The following CFDP1 variants were observed in gnomAD, a reference collection of about 807,000 sequenced individuals.
CFDP1 encodes chromatin remodeling protein CFDP1.
CFDP1 carries 31 observed loss-of-function variants against 40.1 expected under a neutral mutation model. The observed-to-expected ratio is 0.77, with a 90% CI of 0.58 to 1.04. CFDP1 has a LOEUF of 1.04. CFDP1 is among the 50% of genes least tolerant of loss of function. The pLI is 0.00. For missense variants in CFDP1, 423 were observed against 343.4 expected, an observed-to-expected ratio of 1.23 and a Z score of -1.83; for synonymous variants, 167 against 120.0, an observed-to-expected ratio of 1.39 and a Z score of -2.56.
intron 5 of CFDP1, among the ~76,000 whole-genome samples, chr16:75,329,262 AG>A: frequency 6.6e-6 from 1 of 152,336 alleles, no homozygotes; most frequent in African/African-American, 2.4e-5. Context: ...CTAGGATTAC[AG>A]GCATGAACCA....
chr16:75,382,946 T>C (rs959007661), intron 5 of CFDP1, among the ~76,000 whole-genome samples: 1 of 152,204 alleles, frequency 6.6e-6, no homozygotes, highest in Non-Finnish European at 1.5e-5. Context: ...TTCCTACACA[T>C]TCTCAAATTA....
intron 4 of CFDP1, among the ~76,000 whole-genome samples, chr16:75,399,045 A>C (rs892428774): frequency 8.7e-5 from 11 of 126,022 alleles, no homozygotes; most frequent in Non-Finnish European, 1.6e-4. Flanking sequence ...AGACAGAGCG[A>C]GACTCCGTCT....
chr16:75,397,598 C>T (rs561590824), intron 4 of CFDP1, among the ~76,000 whole-genome samples: 13 of 151,996 alleles, frequency 8.6e-5, no homozygotes, highest in East Asian at 1.9e-4. Context: ...GTCAGGAGTT[C>T]GAGACCAGCC....
At chr16:75,364,609 T>C (rs1482107416) in intron 5 of CFDP1, among the ~76,000 whole-genome samples, 1 of 152,208 alleles carries the variant, frequency 6.6e-6, no homozygotes. Context: ...CTATCTTCAA[T>C]GAAGACAGAT....
At chr16:75,363,428 C>T (rs935784439) in intron 5 of CFDP1, among the ~76,000 whole-genome samples, 58 of 151,264 alleles carry the variant, frequency 3.8e-4, no homozygotes, top group African/African-American at 1.3e-3. Flanking sequence ...TGGTGTCTCG[C>T]TCTGTCGCCC....
intron 5 of CFDP1, among the ~76,000 whole-genome samples, chr16:75,376,103 C>T (rs747834053): frequency 3.9e-5 from 6 of 152,032 alleles, no homozygotes; most frequent in East Asian, 1.9e-4. Flanking sequence ...CCCAGCTACT[C>T]GAGAGGCTGA....
chr16:75,342,193 C>T (rs922903953), intron 5 of CFDP1, among the ~76,000 whole-genome samples: 1 of 152,094 alleles, frequency 6.6e-6, no homozygotes, highest in Non-Finnish European at 1.5e-5. Context: ...CTGTTAACAT[C>T]GAAGTTTACT....
intron 5 of CFDP1, among the ~76,000 whole-genome samples, chr16:75,351,734 G>A (rs904370484): frequency 3.3e-5 from 5 of 152,188 alleles, no homozygotes; most frequent in Admixed American, 2.0e-4. Flanking sequence ...ATAGCCAAGT[G>A]TGGTGGCTCA....
intron 6 of CFDP1, among the ~76,000 whole-genome samples, chr16:75,299,839 G>A (rs2078210054): frequency 1.3e-5 from 2 of 152,134 alleles, no homozygotes; most frequent in Admixed American, 1.3e-4. Context: ...ATCAAACCGG[G>A]TAGTGTGACT....
At chr16:75,378,181 T>C (rs1802252924) in intron 5 of CFDP1, among the ~76,000 whole-genome samples, 1 of 152,096 alleles carries the variant, frequency 6.6e-6, no homozygotes, top group South Asian at 2.1e-4. Flanking sequence ...GCTGCATTGC[T>C]ATGGAAACAA....
chr16:75,297,146 T>TTTTGTGTGTGTGTGTGTG lies in CFDP1; in HGVS notation c.810-3105_810-3104insCACACACACACACACAAA, dbSNP rs1555551779. ...GCTTGGGGTTCTTGCTTCCCATTTC[T>TTTTGTGTGTGTGTGTGTG]TGTGTGTGTGTGTGTGTGTCTGTGT... On this transcript the variant is annotated intron_variant, in intron 6 of 6. Transcript: ENST00000283882. Among the ~76,000 whole-genome samples the TTTTGTGTGTGTGTGTGTG allele has an allele frequency of 1.8e-3, 241 of 133,048 alleles. 2 individuals carry two copies. Among genetic ancestry groups the TTTTGTGTGTGTGTGTGTG allele is most frequent in the African/African-American group, 5.7e-3 (212 of 37,284 alleles). The allele number at this position is 133,048 out of a possible 152,430, so 87.3% of individuals were successfully genotyped here.
chr16:75,358,164 T>C (rs1054358559), intron 5 of CFDP1, among the ~76,000 whole-genome samples: 1 of 152,106 alleles, frequency 6.6e-6, no homozygotes, highest in African/African-American at 2.4e-5. Flanking sequence ...ATGAAAAAAT[T>C]TGAGATATTA....
intron 5 of CFDP1, among the ~76,000 whole-genome samples, chr16:75,316,380 C>A (rs890550043): frequency 1.3e-5 from 2 of 152,070 alleles, no homozygotes; most frequent in Admixed American, 6.5e-5. Context: ...CGTCTACAGA[C>A]AGACTAGGGT....
intron 1 of CFDP1, among the ~76,000 whole-genome samples, chr16:75,433,007 G>A (rs1358727939): frequency 6.6e-6 from 1 of 152,228 alleles, no homozygotes; most frequent in African/African-American, 2.4e-5. Flanking sequence ...TGACCGACGA[G>A]CGTCCCTAGC....
intron 5 of CFDP1, among the ~76,000 whole-genome samples, chr16:75,393,490 A>T (rs2078969248): frequency 6.6e-6 from 1 of 152,060 alleles, no homozygotes; most frequent in African/African-American, 2.4e-5. Context: ...TCTTTTTAAA[A>T]ATGTGGGGCC....
Position 75,299,403 on chromosome 16 carries a change from C to T in CFDP1, c.810-5361G>A, listed in dbSNP as rs184124435. On this transcript the variant is annotated intron_variant, in intron 6 of 6. Coordinates refer to ENST00000283882, the MANE Select transcript of CFDP1 (RefSeq NM_006324.3). ...GAAATCCAGACCATCCTGGTTAACA[C>T]GGTGAAACCCCATCTCTACTTAAAA... Among the ~76,000 whole-genome samples the T allele has an allele frequency of 4.2e-3, 624 of 149,198 alleles. 5 individuals carry two copies. Among genetic ancestry groups the T allele is most frequent in the African/African-American group, 0.014 (557 of 40,718 alleles).
chr16:75,302,726 C>A (rs1008536236), intron 6 of CFDP1, among the ~76,000 whole-genome samples: 1 of 152,194 alleles, frequency 6.6e-6, no homozygotes, highest in East Asian at 1.9e-4. Flanking sequence ...GGAGCTGAAT[C>A]TGAATGGAGA....
intron 4 of CFDP1, among the ~76,000 whole-genome samples, chr16:75,401,514 C>T (rs369286168): frequency 2.0e-5 from 3 of 151,038 alleles, no homozygotes; most frequent in African/African-American, 4.9e-5. Flanking sequence ...CCAGGAGATT[C>T]GTTTGAACCC....
chr16:75,321,087 T>G (rs951078270), intron 5 of CFDP1, among the ~76,000 whole-genome samples: 3 of 152,098 alleles, frequency 2.0e-5, no homozygotes, highest in Admixed American at 1.3e-4. Context: ...CACGCCATCA[T>G]GCCTTGCTCA....
Sources: allele counts gnomAD v4.1 joint callset (sites outside exome capture counted in the v4.1 genomes callset), GRCh38; gene constraint gnomAD v4.1.1; transcripts MANE v1.5; gene names NCBI Gene and HGNC (gene_info 2026-07-23, HGNC 2026-07-21).